The following SPATA6 variants were observed in gnomAD, a reference collection of about 807,000 sequenced individuals.
SPATA6 encodes the protein spermatogenesis associated 6, also known as spermatogenesis-associated protein 6.
A neutral mutation model predicts 65.3 loss-of-function variants in SPATA6; 56 were observed. The observed-to-expected ratio is 0.86, with a 90% confidence interval of 0.69 to 1.07. SPATA6 has a LOEUF of 1.07. Among genes scored for constraint, SPATA6 ranks in the 50% least tolerant of loss-of-function variants. The pLI is 0.00. For synonymous variants in SPATA6, 199 were observed against 213.2 expected (o/e 0.93, Z 0.58); for missense variants, 590 against 594.8 (o/e 0.99, Z 0.08).
At chr1:48,335,437 T>A (rs543962995) in intron 11 of SPATA6, among the ~76,000 whole-genome samples, 1 of 151,182 alleles carries the variant, frequency 6.6e-6, no homozygotes, top group African/African-American at 2.4e-5. Flanking sequence ...CATACAAAAG[T>A]AGACACATAG....
At chr1:48,399,944 T>A (rs551417906) in intron 6 of SPATA6, among the ~76,000 whole-genome samples, 1 of 103,438 alleles carries the variant, frequency 9.7e-6, no homozygotes, top group South Asian at 3.8e-4. Flanking sequence ...GTCAAAAAAA[T>A]TATTTTTCAG....
intron 11 of SPATA6, among the ~76,000 whole-genome samples, chr1:48,343,113 G>A (rs1646265560): frequency 6.6e-6 from 1 of 152,130 alleles, no homozygotes; most frequent in Admixed American, 6.6e-5. Flanking sequence ...TTTAAGAACA[G>A]CAACAGAAAT....
At chr1:48,334,360 T>C (rs1013194206) in intron 11 of SPATA6, among the ~76,000 whole-genome samples, 3 of 151,814 alleles carry the variant, frequency 2.0e-5, no homozygotes, top group Admixed American at 1.3e-4. Flanking sequence ...ATATCCTTGA[T>C]GAACATAGAT....
chr1:48,317,052 AAAT>A (rs1253043310), intron 11 of SPATA6, among the ~76,000 whole-genome samples: 1 of 152,230 alleles, frequency 6.6e-6, no homozygotes, highest in Non-Finnish European at 1.5e-5. Flanking sequence ...AGATGTGAAG[AAAT>A]AGGAACACTT....
chr1:48,325,465 G>A (rs564854575), intron 11 of SPATA6: 77 of 1,204,922 alleles, frequency 6.4e-5, no homozygotes, highest in African/African-American at 5.1e-4. Context: ...TTCCTGAATC[G>A]ACAAACTGAG....
intron 9 of SPATA6, among the ~76,000 whole-genome samples, chr1:48,384,356 G>GGGACAGGGAC (rs1649199689): frequency 6.1e-4 from 2 of 3,296 alleles, no homozygotes; most frequent in Non-Finnish European, 9.5e-4. Context: ...GGGACAGGGA[G>GGGACAGGGAC]AGGGAGAGGG....
chr1:48,291,396 T>C (rs1252324870), downstream of SPATA6, among the ~76,000 whole-genome samples: 1 of 152,162 alleles, frequency 6.6e-6, no homozygotes, highest in East Asian at 1.9e-4. Context: ...CGGGCTGGGC[T>C]TGCTGCAGCT....
intron 11 of SPATA6, among the ~76,000 whole-genome samples, chr1:48,317,854 T>TA (rs1000412163): frequency 2.6e-5 from 4 of 151,936 alleles, no homozygotes; most frequent in East Asian, 1.9e-4. Flanking sequence ...AAGCACAATT[T>TA]AAAAAAACCC....
chr1:48,382,263 C>CA (rs1354354076), intron 9 of SPATA6, among the ~76,000 whole-genome samples: 1 of 86,082 alleles, frequency 1.2e-5, no homozygotes, highest in Admixed American at 1.1e-4. Context: ...AGGGGCTCCT[C>CA]ACTTCCCAGT....
chr1:48,462,601 GAGTA>G (rs1468636226), intron 1 of SPATA6, among the ~76,000 whole-genome samples: 5 of 152,186 alleles, frequency 3.3e-5, no homozygotes, highest in South Asian at 4.1e-4. Flanking sequence ...TTGAATTTCA[GAGTA>G]AGTAAGATTG....
At chr1:48,283,697 A>AAAAG in the SPATA6 span, among the ~76,000 whole-genome samples, 4 of 12,010 alleles carry the variant, frequency 3.3e-4, no homozygotes, top group South Asian at 4.3e-3. Flanking sequence ...AAAAAAAAAA[A>AAAAG]AAAGAAAGAA....
chr1:48,369,816 G>A (rs545218524), intron 9 of SPATA6, among the ~76,000 whole-genome samples: 1 of 152,212 alleles, frequency 6.6e-6, no homozygotes, highest in African/African-American at 2.4e-5. Flanking sequence ...ACTCTCTAGT[G>A]AGATGAACCC....
chr1:48,406,594 G>A (rs1375232347), intron 5 of SPATA6, among the ~76,000 whole-genome samples: 1 of 152,142 alleles, frequency 6.6e-6, no homozygotes, highest in Admixed American at 6.6e-5. Context: ...ACTGTGTTAA[G>A]AGTTAAATTC....
At chr1:48,466,187 T>G (rs1657794706) in intron 1 of SPATA6, among the ~76,000 whole-genome samples, 1 of 152,096 alleles carries the variant, frequency 6.6e-6, no homozygotes. Flanking sequence ...TAAAAAGCAT[T>G]AACTACTAGT....
At chr1:48,362,252 T>G (rs1646836685) in intron 9 of SPATA6, among the ~76,000 whole-genome samples, 1 of 151,768 alleles carries the variant, frequency 6.6e-6, no homozygotes, top group Non-Finnish European at 1.5e-5. Context: ...ACACTCTGTC[T>G]CAAAGAAAAA....
intron 12 of SPATA6, among the ~76,000 whole-genome samples, chr1:48,304,161 A>G (rs1481769723): frequency 6.6e-6 from 1 of 152,212 alleles, no homozygotes; most frequent in Non-Finnish European, 1.5e-5. Flanking sequence ...TATCCTAATC[A>G]TTTCAATAGC....
intron 11 of SPATA6, among the ~76,000 whole-genome samples, chr1:48,352,204 G>C (rs1297321898): frequency 6.6e-6 from 1 of 152,002 alleles, no homozygotes; most frequent in Non-Finnish European, 1.5e-5. Context: ...AAAACCATCA[G>C]ACCTCATGAG....
At chr1:48,400,512 A>T (rs1262974276) in intron 6 of SPATA6, among the ~76,000 whole-genome samples, 1 of 152,036 alleles carries the variant, frequency 6.6e-6, no homozygotes, top group Non-Finnish European at 1.5e-5. Context: ...AAGCTTTTCA[A>T]TTCAAGAAAA....
At chr1:48,404,965 A>T (rs1338320) in intron 5 of SPATA6, among the ~76,000 whole-genome samples, 148,949 of 152,332 alleles carry the variant, frequency 0.98, 72,906 homozygotes, top group East Asian at 1. Flanking sequence ...TTCATTCTAA[A>T]ACAGTAAAAA....
Sources: allele counts gnomAD v4.1 joint callset (sites outside exome capture counted in the v4.1 genomes callset), GRCh38; gene constraint gnomAD v4.1.1; transcripts MANE v1.5; gene names NCBI Gene and HGNC (gene_info 2026-07-23, HGNC 2026-07-21).